Variants in ANO6 observed in about 807,000 individuals in gnomAD.
The protein encoded by ANO6 is anoctamin-6.
A neutral mutation model predicts 117.5 loss-of-function variants in ANO6; 106 were observed. The ratio of observed to expected loss-of-function variants is 0.90; its 90% confidence interval spans 0.77 to 1.06. The LOEUF (loss-of-function observed/expected upper bound fraction) is 1.06. Among genes scored for constraint, ANO6 ranks in the 50% least tolerant of loss-of-function variants. The pLI is 0.00. For missense variants in ANO6, 955 were observed against 1,121.1 expected, an observed-to-expected ratio of 0.85 and a Z score of 2.12; for synonymous variants, 367 against 385.1, an observed-to-expected ratio of 0.95 and a Z score of 0.55.
intron 15 of ANO6, 119 bp downstream of exon 15, chr12:45,403,655 A>G: frequency 1.2e-6 from 1 of 825,072 alleles, no homozygotes; most frequent in South Asian, 1.4e-5. Flanking sequence ...CTCTAAATGG[A>G]TCAGAATCTG....
In ANO6 at chr12:45,412,852, T is replaced by A. The variant is rs570750717; in HGVS notation, c.2011+3365T>A. Among the ~76,000 whole-genome samples, 73 of 152,364 alleles carry A rather than the reference T, an allele frequency of 4.8e-4. 1 individual carries two copies. The highest frequency in any genetic ancestry group is 1.8e-3 in the African/African-American group (73 of 41,590). Reference sequence around the variant, plus strand: ...GGTTAAGGAGAATGCTAATCAGACTTCCTTGAGCAGGTGATATTTGAACTG... The same window carrying A: ...GGTTAAGGAGAATGCTAATCAGACTACCTTGAGCAGGTGATATTTGAACTG... On this transcript the variant is annotated intron_variant, in intron 16 of 19. Transcript: ENST00000320560.
chr12:45,439,636 T>C, intron 19 of ANO6: 1 of 1,376,964 alleles, frequency 7.3e-7, no homozygotes, highest in Non-Finnish European at 9.4e-7. Flanking sequence ...ATTCAAGATA[T>C]GATTTAATTG....
chr12:45,275,444 A>T (rs559539082), intron 1 of ANO6, among the ~76,000 whole-genome samples: 74 of 152,126 alleles, frequency 4.9e-4, no homozygotes, highest in Non-Finnish European at 9.4e-4. Flanking sequence ...TCCTGACCTC[A>T]TGATCCACAC....
At chr12:45,338,887 G>A (rs997916755) in intron 3 of ANO6, among the ~76,000 whole-genome samples, 8 of 152,034 alleles carry the variant, frequency 5.3e-5, no homozygotes, top group African/African-American at 1.9e-4. Flanking sequence ...TTATCCTACT[G>A]GGGGAATTAA....
intron 1 of ANO6, among the ~76,000 whole-genome samples, chr12:45,234,131 G>C (rs968246152): frequency 1.3e-5 from 2 of 152,142 alleles, no homozygotes; most frequent in African/African-American, 2.4e-5. Flanking sequence ...ATAATGCCTT[G>C]CCAATTATAG....
rs1014262057 is a variant in ANO6, at chr12:45,371,272, C to G, written c.1104+3479C>G. 1.8e-3 allele frequency among the ~76,000 whole-genome samples: 278 copies of G among 152,096 alleles called. 2 individuals are homozygous for G. The highest frequency in any genetic ancestry group is 6.1e-3 in the African/African-American group (253 of 41,498). On this transcript the variant is annotated intron_variant, in intron 9 of 19. Transcript: ENST00000320560. ...CTGAGATCAAACTGCAAGGCGGCAG[C>G]GAGGCTAGGGGAGGGGCGCCCGCCA... is the stretch of plus-strand genomic sequence containing the variant.
At chr12:45,311,222 A>G (rs1939839922) in intron 2 of ANO6, among the ~76,000 whole-genome samples, 1 of 152,098 alleles carries the variant, frequency 6.6e-6, no homozygotes, top group Admixed American at 6.6e-5. Flanking sequence ...GGAGACAAAA[A>G]TCAATATGAA....
In ANO6 at chr12:45,370,091, T is replaced by C. The variant is rs925571127; in HGVS notation, c.1104+2298T>C. On this transcript the variant is annotated intron_variant, in intron 9 of 19. Transcript: ENST00000320560. ...CTATGTGACTAAAGCAGTATGCTGATTCAGACCGCTCTTAACACAGCTGTC... is the reference window on the plus strand; with the variant it reads ...CTATGTGACTAAAGCAGTATGCTGACTCAGACCGCTCTTAACACAGCTGTC... 4.0e-4 allele frequency among the ~76,000 whole-genome samples: 61 copies of C among 152,358 alleles called. 1 individual carries two copies. The highest frequency in any genetic ancestry group is 6.8e-3 in the Middle Eastern group (2 of 294).
chr12:45,334,299 G>A (rs1316899531), intron 3 of ANO6, among the ~76,000 whole-genome samples: 1 of 152,066 alleles, frequency 6.6e-6, no homozygotes, highest in Non-Finnish European at 1.5e-5. Flanking sequence ...TGGCTTAAAT[G>A]CTAAAAGGAA....
intron 3 of ANO6, among the ~76,000 whole-genome samples, chr12:45,338,824 TAA>T (rs1326358225): frequency 6.6e-6 from 1 of 152,000 alleles, no homozygotes; most frequent in Non-Finnish European, 1.5e-5. Context: ...GCTGAAGCCT[TAA>T]AAACAGAGAG....
In ANO6 at chr12:45,376,765, G is replaced by T. The variant is rs537895429; in HGVS notation, c.1105-1288G>T. Among the ~76,000 whole-genome samples, 382 of 151,258 alleles carry T rather than the reference G, an allele frequency of 2.5e-3. 2 individuals carry two copies. The highest frequency in any genetic ancestry group is 8.8e-3 in the African/African-American group (361 of 41,110). The stretch of plus-strand genomic sequence containing the variant: ...ATACCTAATGCTAGATGATGAGTTA[G>T]TGGGTGCAGCGCACCAACATGGCAC... On this transcript the variant is annotated intron_variant, in intron 9 of 19. Coordinates refer to ENST00000320560, the MANE Select transcript of ANO6 (RefSeq NM_001025356.3).
Position 45,259,289 on chromosome 12 carries a change from G to A in ANO6, c.71-42725G>A, listed in dbSNP as rs1053955647. ...CTTTTTCCTGGTTTCTGTGTATAGG[G>A]TTTAGGGGTTTGTGTATCCCTAGAA... On this transcript the variant is annotated intron_variant, in intron 1 of 19. Coordinates refer to ENST00000320560, the MANE Select transcript of ANO6 (RefSeq NM_001025356.3). 1.8e-4 allele frequency among the ~76,000 whole-genome samples: 28 copies of A among 152,162 alleles called. 1 individual carries two copies. Among genetic ancestry groups the A allele is most frequent in the African/African-American group, 6.3e-4 (26 of 41,422 alleles).
intron 2 of ANO6, among the ~76,000 whole-genome samples, chr12:45,316,986 T>A (rs1019244531): frequency 6.7e-5 from 10 of 149,144 alleles, no homozygotes; most frequent in Admixed American, 6.1e-4. Flanking sequence ...TATGTATTAA[T>A]TCATGTAAAT....
At chr12:45,307,572 GTGA>G (rs1418036505) in intron 2 of ANO6, among the ~76,000 whole-genome samples, 3 of 152,146 alleles carry the variant, frequency 2.0e-5, no homozygotes, top group African/African-American at 7.2e-5. Context: ...AGTGGGATAT[GTGA>G]ACCTGGAGTA....
chr12:45,416,358 T>C (rs905266787), intron 16 of ANO6, among the ~76,000 whole-genome samples: 1 of 152,208 alleles, frequency 6.6e-6, no homozygotes, highest in African/African-American at 2.4e-5. Context: ...ACAAATCTTC[T>C]TTCAACATTC....
chr12:45,416,663 C>A (rs1280803400), intron 16 of ANO6, 36 bp from the exon 17 acceptor site: 4 of 1,604,060 alleles, frequency 2.5e-6, no homozygotes, highest in Non-Finnish European at 3.4e-6. Flanking sequence ...CTTCCATCCA[C>A]CACCACTCCA....
chr12:45,231,432 C>T (rs1270874670), intron 1 of ANO6, among the ~76,000 whole-genome samples: 2 of 152,192 alleles, frequency 1.3e-5, no homozygotes, highest in African/African-American at 4.8e-5. Flanking sequence ...TCAGCATTAT[C>T]AGACCTAAGA....
intron 7 of ANO6, 59 bp from the exon 8 acceptor site, chr12:45,357,231 G>A: frequency 6.4e-7 from 1 of 1,570,886 alleles, no homozygotes; most frequent in Non-Finnish European, 8.7e-7. Context: ...ATTAATATTA[G>A]GATGAAGCTA....
chr12:45,323,935 A>ATTTT (rs761870704), intron 2 of ANO6, among the ~76,000 whole-genome samples: 10 of 108,300 alleles, frequency 9.2e-5, no homozygotes, highest in Admixed American at 1.1e-4. Flanking sequence ...TTGTTGTTGT[A>ATTTT]TTTTTTTTTT....
Sources: gnomAD v4.1 joint callset for allele counts (sites outside exome capture counted in the v4.1 genomes callset) on GRCh38, gnomAD v4.1.1 for gene constraint, MANE v1.5 for transcripts, NCBI Gene and HGNC (gene_info 2026-07-23, HGNC 2026-07-21) for gene names.